Variants in KLHL30 observed in about 807,000 individuals in gnomAD.
KLHL30 encodes kelch like family member 30.
A neutral mutation model predicts 55.0 loss-of-function variants in KLHL30; 55 were observed. That is an observed-to-expected ratio of 1.00 (90% CI 0.80 to 1.25). KLHL30 has a LOEUF of 1.25. KLHL30 is among the 50% of genes most tolerant of loss of function. The probability of loss-of-function intolerance (pLI) is 0.00; values close to 1 mark genes in which losing one functional copy is unlikely to be tolerated. For synonymous variants in KLHL30, 356 were observed against 372.6 expected, an observed-to-expected ratio of 0.96 and a Z score of 0.51; for missense variants, 786 against 811.6, an observed-to-expected ratio of 0.97 and a Z score of 0.38.
rs1448877231 is a variant in KLHL30, at chr2:238,139,685, G to A, written c.-71+927G>A. ...GAGCTTTGTCATTTCCATGCGTGGC[G>A]TTCCCACGCATTTTGTACCTGTGGA... On this transcript the variant is annotated intron_variant, in intron 1 of 7. Transcript: ENST00000409223. 8.5e-5 allele frequency among the ~76,000 whole-genome samples: 13 copies of A among 152,288 alleles called. 1 individual carries two copies. The highest frequency in any genetic ancestry group is 3.4e-3 in the Middle Eastern group (1 of 294).
At position 238,149,130 on chromosome 2, in the gene KLHL30, C is replaced by A. The variant is rs1398747095; in HGVS notation, c.1463C>A (p.Pro488His). 6.2e-7 allele frequency: 1 copy of A among 1,612,902 alleles called. No individual in the cohort carries two copies. Residue 488 changes from proline (P) to histidine (H), a missense_variant, in exon 7 of 8, where the codon CCC becomes CAC. By Grantham distance (77) the Pro-to-His change is moderately conservative. Transcript: ENST00000409223. ...DNTKKVYVYDPGANLWQKVQS... is the reference protein window; with the variant it reads ...DNTKKVYVYDHGANLWQKVQS... Reference sequence around the variant, plus strand: ...ACCAAGAAGGTCTACGTGTACGACCCCGGGGCCAACCTGTGGCAGAAGGTG... The same window carrying A: ...ACCAAGAAGGTCTACGTGTACGACCACGGGGCCAACCTGTGGCAGAAGGTG...
rs73102342 is a variant in KLHL30, at chr2:238,143,518, C to T, written c.907+587C>T. Among the ~76,000 whole-genome samples, 1,095 of 152,358 alleles carry T rather than the reference C, an allele frequency of 7.2e-3. 12 individuals are homozygous for T. Among genetic ancestry groups the T allele is most frequent in the African/African-American group, 0.025 (1,035 of 41,590 alleles). ...CCTGAAGTGGGCACTGAGGCCAGGT[C>T]TGCCATTTGGCGGGAAAGGAGGCAT... On this transcript the variant is annotated intron_variant, in intron 3 of 7. Transcript: ENST00000409223.
chr2:238,151,864 A>C lies in KLHL30; in HGVS notation c.*799A>C, dbSNP rs569404312. The stretch of plus-strand genomic sequence containing the variant: ...TGTCAGAACAAAGGCTCTTCATTAG[A>C]ATGGAATTTCCCACCAGGGGACGAC... On this transcript the variant is annotated 3_prime_UTR_variant, in exon 8 of 8. Transcript: ENST00000409223. The C allele has an allele frequency of 2.2e-5, 22 of 984,852 alleles. No individual in the cohort carries two copies. The highest frequency in any genetic ancestry group is 2.7e-5 in the Non-Finnish European group (22 of 829,520). 61.0% of individuals were successfully genotyped at this position (984,852 alleles called of 1,614,324 possible).
At chr2:238,144,416 A>AAGGAAGGC (rs1692602958) in intron 3 of KLHL30, among the ~76,000 whole-genome samples, 3 of 107,222 alleles carry the variant, frequency 2.8e-5, no homozygotes, top group African/African-American at 1.1e-4. Flanking sequence ...GGAAGGAAGG[A>AAGGAAGGC]AGGAAGGAAG....
Position 238,140,722 on chromosome 2 carries a change from G to C in KLHL30, c.-33G>C. On this transcript the variant is annotated 5_prime_UTR_variant, in exon 2 of 8. Coordinates refer to ENST00000409223, the MANE Select transcript of KLHL30 (RefSeq NM_198582.4). ...CTCCAGGCACTTCTTCCCTTGAGTG[G>C]GTGGACTACTGAGGTCCCCTGGGCA... is the stretch of plus-strand genomic sequence containing the variant. 1.4e-6 allele frequency: 2 copies of C among 1,465,702 alleles called. No individual in the cohort carries two copies. Among genetic ancestry groups the C allele is most frequent in the East Asian group, 2.5e-5 (1 of 39,988 alleles). The allele number at this position is 1,465,702 out of a possible 1,614,324, so 90.8% of individuals were successfully genotyped here. A position where few individuals can be genotyped will look rare whatever the true frequency, so the allele number is the denominator to read the frequency against.
intron 5 of KLHL30, among the ~76,000 whole-genome samples, 170 bp downstream of exon 5, chr2:238,146,002 C>T (rs1692641945): frequency 6.6e-6 from 1 of 152,170 alleles, no homozygotes; most frequent in Admixed American, 6.5e-5. Context: ...GGCCAGGGCT[C>T]CTGACCAGGC....
In KLHL30 at chr2:238,140,973, C is replaced by G. The variant is rs201039052; in HGVS notation, c.219C>G (p.Arg73=). The change falls in exon 2 of 8, where the codon CGC becomes CGG. Residue 73 remains arginine (R), a synonymous_variant. Transcript: ENST00000409223. ...ACTTCGCCGAGAGCTTCTCTGCGCG[C>G]GTGGAGCTGCGGGACGTGGAGCCCG... ...AGDFAESFSA[R]VELRDVEPAV... The G allele has an allele frequency of 6.2e-7, 1 of 1,612,236 alleles. No homozygotes were observed. The highest frequency in any genetic ancestry group is 1.3e-5 in the African/African-American group (1 of 74,924).
At chr2:238,146,636 G>A (rs1484392337) in intron 5 of KLHL30, among the ~76,000 whole-genome samples, 3 of 150,582 alleles carry the variant, frequency 2.0e-5, no homozygotes, top group Non-Finnish European at 4.4e-5. Context: ...CAAACTCCTG[G>A]GCTCAAGTGG....
chr2:238,146,205 A>G (rs1311338863), intron 5 of KLHL30, among the ~76,000 whole-genome samples: 5 of 151,904 alleles, frequency 3.3e-5, no homozygotes, highest in African/African-American at 2.4e-5. Context: ...GCCGTCACTG[A>G]TTAAAGGAAC....
intron 7 of KLHL30, 77 bp from the exon 8 acceptor site, chr2:238,150,737 C>T (rs953714585): frequency 6.7e-7 from 1 of 1,487,866 alleles, no homozygotes; most frequent in Admixed American, 2.0e-5. Flanking sequence ...TGCCACTCCC[C>T]CGACCCTGCT....
chr2:238,150,765 T>C (rs1692738999), intron 7 of KLHL30, 49 bp from the exon 8 acceptor site: 1 of 1,529,680 alleles, frequency 6.5e-7, no homozygotes. Flanking sequence ...CCCTCAGCCC[T>C]GCTCTCCAGC....
chr2:238,143,395 A>G (rs1030910499), intron 3 of KLHL30, among the ~76,000 whole-genome samples: 1 of 152,220 alleles, frequency 6.6e-6, no homozygotes, highest in African/African-American at 2.4e-5. Context: ...ACGGGGTTGT[A>G]ATCCCGGACC....
Position 238,141,390 on chromosome 2 carries a change from C to G in KLHL30, c.636C>G (p.Ala212=), listed in dbSNP as rs550956670. Residue 212 remains alanine (A), a synonymous_variant, in exon 2 of 8, where the codon GCC becomes GCG. Transcript: ENST00000409223. ...RWVRHDPQAR[A]AHLPELLSLV... is the part of the protein sequence containing the mutation. ...TGCGCCATGACCCGCAGGCCCGGGC[C>G]GCCCACCTGCCCGAGCTGCTCAGCC... 3.8e-6 allele frequency: 6 copies of G among 1,591,776 alleles called. No individual in the cohort carries two copies. The highest frequency in any genetic ancestry group is 1.3e-5 in the African/African-American group (1 of 74,816).
intron 3 of KLHL30, among the ~76,000 whole-genome samples, chr2:238,144,063 T>TC (rs563516475): frequency 9.5e-4 from 145 of 152,380 alleles, no homozygotes; most frequent in Admixed American, 6.0e-3. Flanking sequence ...CAAAGCATTT[T>TC]CTCATCTCTT....
At chr2:238,146,144 G>T (rs552920529) in intron 5 of KLHL30, among the ~76,000 whole-genome samples, 1 of 152,038 alleles carries the variant, frequency 6.6e-6, no homozygotes. Context: ...CAGTGGGGAC[G>T]GCCACACCCA....
At chr2:238,140,070 C>G (rs983089640) in intron 1 of KLHL30, among the ~76,000 whole-genome samples, 16 of 152,318 alleles carry the variant, frequency 1.1e-4, no homozygotes, top group African/African-American at 3.4e-4. Flanking sequence ...GTTCAAATTC[C>G]AGCTCCACCA....
intron 5 of KLHL30, among the ~76,000 whole-genome samples, 195 bp downstream of exon 5, chr2:238,146,027 C>G (rs1692642324): frequency 6.6e-6 from 1 of 152,156 alleles, no homozygotes; most frequent in Non-Finnish European, 1.5e-5. Context: ...CATCAAGACC[C>G]ACAGCCCAGG....
intron 1 of KLHL30, among the ~76,000 whole-genome samples, chr2:238,139,392 A>G (rs1051160254): frequency 2.0e-5 from 3 of 152,180 alleles, no homozygotes; most frequent in African/African-American, 7.2e-5. Flanking sequence ...GGGAGGGGCC[A>G]GGCAGGAACC....
chr2:238,145,823 G>T lies in KLHL30; in HGVS notation c.1141G>T (p.Val381Phe). 1 of 1,599,156 alleles carries T rather than the reference G, an allele frequency of 6.3e-7. No individual in the cohort carries two copies. The highest frequency in any genetic ancestry group is 1.1e-5 in the South Asian group (1 of 89,032). Reference protein sequence around the residue: ...ASAALNGEIYVIGGTTLDVVE... With the variant: ...ASAALNGEIYFIGGTTLDVVE... ...CGCGGCCCTCAATGGGGAGATCTAC[G>T]TTATCGGCGGTGAGGCCTTCCTCTC... The change falls in exon 5 of 8, where the codon GTT becomes TTT. Residue 381 changes from valine (V) to phenylalanine (F), a missense_variant. Val to Phe is a conservative substitution (Grantham distance 50). Transcript: ENST00000409223.
Sources: allele counts gnomAD v4.1 joint callset (sites outside exome capture counted in the v4.1 genomes callset), GRCh38; gene constraint gnomAD v4.1.1; transcripts MANE v1.5; gene names NCBI Gene and HGNC (gene_info 2026-07-23, HGNC 2026-07-21).